Variants in SUPT3H observed in about 807,000 individuals in gnomAD.
The protein encoded by SUPT3H is transcription initiation protein SPT3 homolog.
A neutral mutation model predicts 44.3 loss-of-function variants in SUPT3H; 44 were observed. That is an observed-to-expected ratio of 0.99 (90% CI 0.78 to 1.28). The LOEUF is 1.28. Among genes scored for constraint, SUPT3H ranks in the 50% most tolerant of loss-of-function variants. The pLI is 0.00. For missense variants in SUPT3H, 380 were observed against 387.1 expected, an observed-to-expected ratio of 0.98 and a Z score of 0.15; for synonymous variants, 124 against 125.6, an observed-to-expected ratio of 0.99 and a Z score of 0.09.
chr6:44,957,582 A>T (rs894491340), intron 7 of SUPT3H, among the ~76,000 whole-genome samples: 22 of 152,072 alleles, frequency 1.4e-4, no homozygotes, highest in African/African-American at 4.8e-4. Flanking sequence ...TAAACAGTTG[A>T]TTTTAAAAGT....
intron 3 of SUPT3H, among the ~76,000 whole-genome samples, chr6:45,053,740 C>CAAAAAAAAAA (rs57736879): frequency 8.3e-4 from 49 of 59,386 alleles, no homozygotes; most frequent in Middle Eastern, 9.6e-3. Context: ...ACTAAAAATA[C>CAAAAAAAAAA]AAAAAAAAAA....
At chr6:45,042,180 T>C (rs1239916595) in intron 3 of SUPT3H, among the ~76,000 whole-genome samples, 1 of 152,154 alleles carries the variant, frequency 6.6e-6, no homozygotes, top group Non-Finnish European at 1.5e-5. Flanking sequence ...CCCAGCACTT[T>C]GGGAGGCCGA....
intron 2 of SUPT3H, among the ~76,000 whole-genome samples, chr6:45,142,960 A>G (rs943319016): frequency 3.9e-5 from 6 of 151,962 alleles, no homozygotes; most frequent in African/African-American, 1.5e-4. Context: ...AAAAAAAAAG[A>G]CAAAGAGGGA....
intron 6 of SUPT3H, among the ~76,000 whole-genome samples, chr6:44,973,402 T>C (rs569393201): frequency 6.6e-6 from 1 of 152,322 alleles, no homozygotes; most frequent in Non-Finnish European, 1.5e-5. Context: ...CTGGACTTCA[T>C]TGTTTACATT....
chr6:45,016,144 C>T (rs1046857674), intron 4 of SUPT3H, among the ~76,000 whole-genome samples: 3 of 151,930 alleles, frequency 2.0e-5, no homozygotes, highest in African/African-American at 4.8e-5. Flanking sequence ...CAGAGGTATA[C>T]ACCAGCATCA....
intron 1 of SUPT3H, among the ~76,000 whole-genome samples, chr6:45,375,878 T>C (rs2150328641): frequency 6.6e-6 from 1 of 151,714 alleles, no homozygotes; most frequent in East Asian, 1.9e-4. Context: ...TTGTGAAACA[T>C]CTATTACCTA....
At chr6:45,245,709 A>C (rs754847346) in intron 2 of SUPT3H, among the ~76,000 whole-genome samples, 5 of 152,026 alleles carry the variant, frequency 3.3e-5, no homozygotes, top group Non-Finnish European at 7.4e-5. Context: ...GGTTGTTTCC[A>C]CCTTTTGGAT....
chr6:45,148,605 A>G (rs1044995505), intron 2 of SUPT3H, among the ~76,000 whole-genome samples: 8 of 152,176 alleles, frequency 5.3e-5, no homozygotes, highest in African/African-American at 1.9e-4. Flanking sequence ...ACTGATACCT[A>G]TTCAGATCTA....
chr6:44,961,605 C>T lies in SUPT3H; in HGVS notation c.580+148G>A, dbSNP rs180753515. On this transcript the variant is annotated intron_variant, in intron 7 of 10. Coordinates refer to ENST00000371459, the MANE Select transcript of SUPT3H (RefSeq NM_003599.4). ...GTAGGAAAATCATTTATAGGCTCCC[C>T]ACAATGTAGACGTTGTTTGTATAGC... 951 of 635,576 alleles carry T rather than the reference C, an allele frequency of 1.5e-3. 7 individuals carry two copies. In the Middle Eastern group the frequency reaches 0.018, roughly 12 times the overall value. The allele number at this position is 635,576 out of a possible 1,614,324, so 39.4% of individuals were successfully genotyped here.
chr6:45,287,370 C>G (rs1779495584), intron 2 of SUPT3H, among the ~76,000 whole-genome samples: 1 of 152,166 alleles, frequency 6.6e-6, no homozygotes, highest in Admixed American at 6.6e-5. Context: ...AACTGTCCCT[C>G]AGCAGATAAA....
chr6:45,338,000 C>T (rs1181215592), intron 2 of SUPT3H, among the ~76,000 whole-genome samples: 1 of 151,900 alleles, frequency 6.6e-6, no homozygotes, highest in Non-Finnish European at 1.5e-5. Context: ...TCTAATTACA[C>T]ATTAATCATG....
At chr6:45,097,850 G>A (rs1045627970) in intron 3 of SUPT3H, 3 of 152,168 alleles carry the variant, frequency 2.0e-5, no homozygotes, top group Admixed American at 6.6e-5. Context: ...CATTAACAGG[G>A]AAATTAATTT....
chr6:44,891,815 T>C (rs1410935249), intron 10 of SUPT3H, among the ~76,000 whole-genome samples: 1 of 151,764 alleles, frequency 6.6e-6, no homozygotes, highest in Non-Finnish European at 1.5e-5. Flanking sequence ...AAAAAGATGG[T>C]TGATGGAGAA....
intron 10 of SUPT3H, among the ~76,000 whole-genome samples, chr6:44,886,181 G>A (rs1239840672): frequency 2.6e-5 from 4 of 152,156 alleles, no homozygotes; most frequent in Admixed American, 2.6e-4. Flanking sequence ...GAACCAAGTT[G>A]GAAAACACTC....
rs499853 is a variant in SUPT3H, at chr6:44,828,443, A to C, written c.*1373T>G. Among the ~76,000 whole-genome samples, 152,255 of 152,274 alleles carry C rather than the reference A, an allele frequency of 1. 76,118 individuals are homozygous for C. The highest frequency in any genetic ancestry group is 1 in the Non-Finnish European group (68,008 of 68,008). ...ACAAATGTAAATAATGTGGCATAAT[A>C]ATATTAACTGAGCCTCATAATTCTT... On this transcript the variant is annotated 3_prime_UTR_variant, in exon 11 of 11. Transcript: ENST00000371459.
At chr6:45,354,646 C>T (rs73735386) in intron 2 of SUPT3H, among the ~76,000 whole-genome samples, 22,773 of 151,864 alleles carry the variant, frequency 0.15, 1,941 homozygotes, top group East Asian at 0.26. Context: ...CACACACACA[C>T]ACACACAGTC....
intron 2 of SUPT3H, among the ~76,000 whole-genome samples, chr6:45,253,712 G>A (rs1382169437): frequency 6.6e-6 from 1 of 151,660 alleles, no homozygotes. Context: ...AGAATCACTT[G>A]AGTCCAAAAG....
intron 9 of SUPT3H, among the ~76,000 whole-genome samples, chr6:44,951,532 G>A (rs1169172951): frequency 6.6e-6 from 1 of 152,020 alleles, no homozygotes; most frequent in African/African-American, 2.4e-5. Context: ...AGGAGGGGAG[G>A]GGTGTCTGCC....
intron 2 of SUPT3H, among the ~76,000 whole-genome samples, chr6:45,238,725 G>T (rs189781103): frequency 3.2e-3 from 488 of 152,274 alleles, no homozygotes; most frequent in Non-Finnish European, 4.7e-3. Context: ...GGATGAAATT[G>T]CTACTATGAT....
Sources: gnomAD v4.1 joint callset for allele counts (sites outside exome capture counted in the v4.1 genomes callset) on GRCh38, gnomAD v4.1.1 for gene constraint, MANE v1.5 for transcripts, NCBI Gene and HGNC (gene_info 2026-07-23, HGNC 2026-07-21) for gene names.